Variants in AJAP1 observed in about 807,000 individuals in gnomAD.
AJAP1 encodes the protein adherens junction-associated protein 1.
Under a neutral mutation model 35.0 loss-of-function variants are expected in AJAP1, and 5 were observed. The observed-to-expected ratio is 0.14, with a 90% CI of 0.07 to 0.30. AJAP1 has a LOEUF of 0.30. Ranked by LOEUF, AJAP1 falls within the 10% of genes least tolerant of loss-of-function variation. The pLI is 1.00. For synonymous variants in AJAP1, 284 were observed against 249.3 expected (o/e 1.14, Z -1.31); for missense variants, 586 against 571.0 (o/e 1.03, Z -0.27).
chr1:4,740,925 G>C (rs1641053819), intron 2 of AJAP1, among the ~76,000 whole-genome samples: 1 of 151,960 alleles, frequency 6.6e-6, no homozygotes. Flanking sequence ...CAGGTGTCTT[G>C]CGTCTGGCAC....
chr1:4,756,890 C>T (rs947129318), intron 2 of AJAP1, among the ~76,000 whole-genome samples: 2 of 152,122 alleles, frequency 1.3e-5, no homozygotes, highest in African/African-American at 4.8e-5. Context: ...AGGGAGCCTG[C>T]AGTGCCCCCT....
intron 2 of AJAP1, among the ~76,000 whole-genome samples, chr1:4,713,294 A>G (rs1311486954): frequency 1.3e-5 from 2 of 152,202 alleles, no homozygotes; most frequent in Non-Finnish European, 2.9e-5. Flanking sequence ...ACCTTCGCAG[A>G]CAGTGATTCA....
intron 1 of AJAP1, among the ~76,000 whole-genome samples, chr1:4,664,259 G>A (rs1639066708): frequency 6.6e-6 from 1 of 152,180 alleles, no homozygotes; most frequent in Admixed American, 6.5e-5. Flanking sequence ...CTTTGGATTG[G>A]ATGTATTTAA....
chr1:4,756,790 T>C (rs1207569680), intron 2 of AJAP1, among the ~76,000 whole-genome samples: 2 of 152,200 alleles, frequency 1.3e-5, no homozygotes, highest in East Asian at 1.9e-4. Context: ...AGGAGGGAAC[T>C]AAGCTTCCTA....
rs1035314920 is a variant in AJAP1, at chr1:4,738,342, G to A, written c.829+25643G>A. Among the ~76,000 whole-genome samples the A allele has an allele frequency of 3.9e-5, 6 of 152,348 alleles. No individual in the cohort carries two copies. In the East Asian group the frequency reaches 7.7e-4, roughly 20 times the overall value. On this transcript the variant is annotated intron_variant, in intron 2 of 5. Coordinates refer to ENST00000378191, the MANE Select transcript of AJAP1 (RefSeq NM_018836.4). ...TTGAGCAGACTGAGTCAATACACAA[G>A]ATAGCATAAGAGTCTCTGCAAGAAG...
chr1:4,667,986 G>A (rs113311795), intron 1 of AJAP1, among the ~76,000 whole-genome samples: 30,669 of 152,090 alleles, frequency 0.2, 3,376 homozygotes, highest in Admixed American at 0.25. Flanking sequence ...AGGTAGAGGC[G>A]GGAGGAAAAC....
At chr1:4,688,174 C>T (rs892191655) in intron 1 of AJAP1, among the ~76,000 whole-genome samples, 5 of 152,116 alleles carry the variant, frequency 3.3e-5, no homozygotes, top group Non-Finnish European at 7.4e-5. Flanking sequence ...TCCCTCGGAG[C>T]GCCCCGTAGT....
At chr1:4,697,727 G>A (rs547561407) in intron 1 of AJAP1, among the ~76,000 whole-genome samples, 2 of 152,354 alleles carry the variant, frequency 1.3e-5, no homozygotes, top group Non-Finnish European at 2.9e-5. Context: ...GTCCCTGAGG[G>A]TGTGCACACG....
intron 2 of AJAP1, among the ~76,000 whole-genome samples, chr1:4,717,788 T>C (rs143784937): frequency 1.3e-5 from 2 of 151,812 alleles, no homozygotes. Context: ...AACACCAGAG[T>C]TGGAGTGGAA....
chr1:4,767,341 A>G (rs1641705925), intron 2 of AJAP1, among the ~76,000 whole-genome samples: 1 of 151,880 alleles, frequency 6.6e-6, no homozygotes, highest in Non-Finnish European at 1.5e-5. Flanking sequence ...TATTACCATC[A>G]CCATCATTAT....
intron 1 of AJAP1, among the ~76,000 whole-genome samples, chr1:4,659,314 G>A (rs745937343): frequency 1.3e-5 from 2 of 152,190 alleles, no homozygotes; most frequent in Non-Finnish European, 2.9e-5. Context: ...TACATTTGAA[G>A]TCTGGCTTGA....
intron 1 of AJAP1, among the ~76,000 whole-genome samples, chr1:4,685,768 A>G (rs1639590887): frequency 6.6e-6 from 1 of 152,220 alleles, no homozygotes; most frequent in South Asian, 2.1e-4. Flanking sequence ...GTTTCTCACC[A>G]CTTCTTAGAC....
chr1:4,683,831 G>A (rs1008997331), intron 1 of AJAP1, among the ~76,000 whole-genome samples: 1 of 152,194 alleles, frequency 6.6e-6, no homozygotes, highest in Non-Finnish European at 1.5e-5. Context: ...GAGAGGCCAG[G>A]GTGGGACTTG....
At chr1:4,770,822 G>A (rs905852083) in intron 3 of AJAP1, among the ~76,000 whole-genome samples, 7 of 152,176 alleles carry the variant, frequency 4.6e-5, no homozygotes, top group African/African-American at 1.7e-4. Context: ...GCAGGAGGGT[G>A]GGGGTAGCAC....
At position 4,712,434 on chromosome 1, in the gene AJAP1, C is replaced by G. The variant is rs1407530100; in HGVS notation, c.564C>G (p.Asp188Glu). Residue 188 changes from aspartate (D) to glutamate (E), a missense_variant, in exon 2 of 6, where the codon GAC (aspartate) becomes GAG (glutamate). By Grantham distance (45) the Asp-to-Glu change is conservative. Transcript: ENST00000378191. ...TEFIAWGPTG[D>E]EEALESNTFP... is the part of the protein sequence containing the mutation. Reference sequence around the variant, plus strand: ...TCATCGCCTGGGGGCCCACGGGGGACGAGGAGGCCCTGGAGTCCAACACAT... The same window carrying G: ...TCATCGCCTGGGGGCCCACGGGGGAGGAGGAGGCCCTGGAGTCCAACACAT... The G allele has an allele frequency of 1.2e-6, 2 of 1,604,928 alleles. No individual in the cohort carries two copies. Among genetic ancestry groups the G allele is most frequent in the Non-Finnish European group, 1.7e-6 (2 of 1,176,018 alleles).
In AJAP1 at chr1:4,787,732, T is replaced by C; in HGVS notation, c.*5247T>C. The stretch of plus-strand genomic sequence containing the variant: ...GTTGCCAGGCCAAGCAGGTCTCAGG[T>C]CAGCCAGGTCTCAAGGAGGATAAGG... On this transcript the variant is annotated 3_prime_UTR_variant, in exon 6 of 6. Coordinates refer to ENST00000378191, the MANE Select transcript of AJAP1 (RefSeq NM_018836.4). 1 of 456,062 alleles carries C rather than the reference T, an allele frequency of 2.2e-6. No individual in the cohort carries two copies. Among genetic ancestry groups the C allele is most frequent in the Non-Finnish European group, 4.4e-6 (1 of 226,904 alleles). The allele number at this position is 456,062 out of a possible 1,614,324, so 28.3% of individuals were successfully genotyped here.
Position 4,675,985 on chromosome 1 carries a change from G to C in AJAP1, c.29+20531G>C, listed in dbSNP as rs566887567. On this transcript the variant is annotated intron_variant, in intron 1 of 5. Coordinates refer to ENST00000378191, the MANE Select transcript of AJAP1 (RefSeq NM_018836.4). Reference sequence around the variant, plus strand: ...TTCCTGCAGGGGCTGGGACGCCCACGTTTAGGAGGAAGCCCGTCTTGTGGG... The same window carrying C: ...TTCCTGCAGGGGCTGGGACGCCCACCTTTAGGAGGAAGCCCGTCTTGTGGG... Among the ~76,000 whole-genome samples the C allele has an allele frequency of 2.4e-4, 36 of 152,350 alleles. No individual in the cohort carries two copies. In the East Asian group the frequency reaches 6.0e-3, roughly 25 times the overall value.
At chr1:4,729,068 C>T (rs1020288408) in intron 2 of AJAP1, among the ~76,000 whole-genome samples, 1 of 152,186 alleles carries the variant, frequency 6.6e-6, no homozygotes, top group African/African-American at 2.4e-5. Flanking sequence ...TCTTCTGATA[C>T]ATCCTGGAAA....
intron 2 of AJAP1, among the ~76,000 whole-genome samples, chr1:4,744,993 G>T (rs2100322837): frequency 6.6e-6 from 1 of 152,228 alleles, no homozygotes; most frequent in African/African-American, 2.4e-5. Context: ...ATACCTCCCT[G>T]TCCTGGGGCC....
Sources: gnomAD v4.1 joint callset for allele counts (sites outside exome capture counted in the v4.1 genomes callset) on GRCh38, gnomAD v4.1.1 for gene constraint, MANE v1.5 for transcripts, NCBI Gene and HGNC (gene_info 2026-07-23, HGNC 2026-07-21) for gene names.